Variants in PIKFYVE observed in about 807,000 individuals in gnomAD.
The protein encoded by PIKFYVE is phosphoinositide kinase, FYVE-type zinc finger containing.
PIKFYVE carries 122 observed loss-of-function variants against 257.9 expected under a neutral mutation model. That is an observed-to-expected ratio of 0.47 (90% CI 0.41 to 0.55). The LOEUF (loss-of-function observed/expected upper bound fraction) is 0.55. Ranked by LOEUF, PIKFYVE falls within the 20% of genes least tolerant of loss-of-function variation. The probability of loss-of-function intolerance (pLI) is 0.00; values close to 1 mark genes in which losing one functional copy is unlikely to be tolerated. For synonymous variants in PIKFYVE, 892 were observed against 868.9 expected, an observed-to-expected ratio of 1.03 and a Z score of -0.47; for missense variants, 2,160 against 2,536.6, an observed-to-expected ratio of 0.85 and a Z score of 3.19.
intron 24 of PIKFYVE, among the ~76,000 whole-genome samples, chr2:208,334,994 A>G (rs1332780312): frequency 1.3e-5 from 2 of 152,180 alleles, no homozygotes; most frequent in African/African-American, 4.8e-5. Flanking sequence ...AATTAGGTGT[A>G]GGTATTTTAG....
intron 2 of PIKFYVE, among the ~76,000 whole-genome samples, chr2:208,273,170 A>G (rs1361525978): frequency 6.6e-6 from 1 of 152,254 alleles, no homozygotes; most frequent in East Asian, 1.9e-4. Context: ...CCCTGCCTTC[A>G]TATGAAGCTT....
rs1287794022 is a variant in PIKFYVE, at chr2:208,335,372, C to T, written c.4209C>T (p.Ala1403=). The change falls in exon 25 of 42, where the codon GCC becomes GCT. Residue 1403 remains alanine, a synonymous_variant. Coordinates refer to ENST00000264380, the MANE Select transcript of PIKFYVE (RefSeq NM_015040.4). ...CCAAAATATTCATTAAGCGTCAGGC[C>T]CCATTAAAAGTGTCCCTTCTTCAGG... ...PLPKIFIKRQ[A]PLKVSLLQDL... 1 of 1,612,742 alleles carries T rather than the reference C, an allele frequency of 6.2e-7. No individual in the cohort carries two copies. Among genetic ancestry groups the T allele is most frequent in the Non-Finnish European group, 8.5e-7 (1 of 1,178,950 alleles).
At chr2:208,338,205 A>T (rs1467038571) in intron 28 of PIKFYVE, among the ~76,000 whole-genome samples, 2 of 150,362 alleles carry the variant, frequency 1.3e-5, no homozygotes, top group African/African-American at 2.4e-5. Flanking sequence ...TCTTTCACCA[A>T]TTTTTTTTTT....
At chr2:208,321,576 T>TTTTCTTTTC (rs751020535) in intron 17 of PIKFYVE, among the ~76,000 whole-genome samples, 1 of 21,638 alleles carries the variant, frequency 4.6e-5, no homozygotes. Flanking sequence ...TTTTCTTTTG[T>TTTTCTTTTC]TTTTTTTTTT....
At chr2:208,298,549 T>A in intron 7 of PIKFYVE, 92 bp from the exon 8 acceptor site, 1 of 1,433,864 alleles carries the variant, frequency 7.0e-7, no homozygotes, top group Non-Finnish European at 9.7e-7. Context: ...CATTGGTAAA[T>A]AAGCATTTAT....
Position 208,345,262 on chromosome 2 carries a change from C to A in PIKFYVE, c.5111+68C>A, listed in dbSNP as rs1699124626. The A allele has an allele frequency of 3.8e-6, 5 of 1,312,860 alleles. No individual in the cohort carries two copies. The African/African-American group carries it at 7.4e-5, about 19-fold the overall frequency. The allele number at this position is 1,312,860 out of a possible 1,614,324, so 81.3% of individuals were successfully genotyped here. A position where few individuals can be genotyped will look rare whatever the true frequency, so the allele number is the denominator to read the frequency against. ...TATCATTTTCTATATGCTTGTACTT[C>A]AGTTTTATTACAGCATTTATCATCA... On this transcript the variant is annotated intron_variant, in intron 33 of 41. Transcript: ENST00000264380.
intron 39 of PIKFYVE, among the ~76,000 whole-genome samples, 159 bp downstream of exon 39, chr2:208,352,941 A>T (rs760342475): frequency 1.8e-4 from 27 of 152,186 alleles, no homozygotes; most frequent in Non-Finnish European, 2.4e-4. Context: ...AGCCTTGGAG[A>T]AAGAATGAAG....
At chr2:208,295,203 C>T (rs555028654) in intron 7 of PIKFYVE, among the ~76,000 whole-genome samples, 3 of 152,320 alleles carry the variant, frequency 2.0e-5, no homozygotes, top group Admixed American at 2.0e-4. Flanking sequence ...TGATTTTTCT[C>T]TTTGTTCAGG....
At chr2:208,287,654 G>T (rs549124899) in intron 6 of PIKFYVE, among the ~76,000 whole-genome samples, 9 of 152,226 alleles carry the variant, frequency 5.9e-5, no homozygotes, top group African/African-American at 2.2e-4. Context: ...AGGCTGGAGT[G>T]CAGTGGCGTG....
intron 7 of PIKFYVE, among the ~76,000 whole-genome samples, chr2:208,294,675 G>A (rs1300476059): frequency 6.6e-6 from 1 of 152,026 alleles, no homozygotes; most frequent in Non-Finnish European, 1.5e-5. Flanking sequence ...GGCTGGAGGG[G>A]GCTGGAGTTG....
rs1476891761 is a variant in PIKFYVE at position 208,326,253 on chromosome 2, T to C, written c.3442T>C (p.Leu1148=). ...TGAGCATCTGGGCGATAGCCAGAGCTTGGGTAGAATGCTGGCCGATTATCG... is the reference window on the plus strand; with the variant it reads ...TGAGCATCTGGGCGATAGCCAGAGCCTGGGTAGAATGCTGGCCGATTATCG... ...IAEHLGDSQS[L]GRMLADYRAR... The change falls in exon 20 of 42, where the codon TTG becomes CTG. Residue 1148 remains leucine (L), a synonymous_variant. Coordinates refer to ENST00000264380, the MANE Select transcript of PIKFYVE (RefSeq NM_015040.4). The C allele has an allele frequency of 2.5e-6, 4 of 1,591,632 alleles. No homozygotes were observed. In the South Asian group the frequency reaches 4.6e-5, roughly 18 times the overall value.
chr2:208,304,809 T>C (rs1485366834), intron 11 of PIKFYVE, 37 bp from the exon 12 acceptor site: 1 of 1,594,286 alleles, frequency 6.3e-7, no homozygotes, highest in Admixed American at 1.7e-5. Flanking sequence ...ACTCCCCTCC[T>C]CTCCCTATAT....
chr2:208,266,212 G>C (rs112184189), upstream of PIKFYVE: 1 of 147,186 alleles, frequency 6.8e-6, no homozygotes, highest in Admixed American at 6.9e-5. Flanking sequence ...ATTTCGGACT[G>C]GGGGACAGGA....
chr2:208,285,807 A>T lies in PIKFYVE; in HGVS notation c.695A>T (p.Asp232Val). The T allele has an allele frequency of 6.2e-7, 1 of 1,614,014 alleles. No individual in the cohort carries two copies. The highest frequency in any genetic ancestry group is 1.7e-5 in the Admixed American group (1 of 60,008). ...ACAGACAGTAATTCTATTGGGGAAGACTTGAATGCTCTTTCAGATTCTGCT... is the reference window on the plus strand; with the variant it reads ...ACAGACAGTAATTCTATTGGGGAAGTCTTGAATGCTCTTTCAGATTCTGCT... Reference protein sequence around the residue: ...HSTDSNSIGEDLNALSDSACS... With the variant: ...HSTDSNSIGEVLNALSDSACS... The change falls in exon 6 of 42, where the codon GAC (aspartate) becomes GTC (valine). Residue 232 changes from aspartate to valine, a missense_variant. Around this residue, in one of 12 missense-constraint regions of PIKFYVE, gnomAD observed 187 missense variants for 185.6 expected, o/e 1.01. Transcript: ENST00000264380.
intron 30 of PIKFYVE, 30 bp downstream of exon 30, chr2:208,339,585 C>A (rs769872029): frequency 1.2e-6 from 2 of 1,611,874 alleles, no homozygotes; most frequent in Non-Finnish European, 1.7e-6. Context: ...TACCATATTT[C>A]ATTGTATCTA....
chr2:208,307,023 C>T (rs1306991667), intron 12 of PIKFYVE, among the ~76,000 whole-genome samples: 1 of 152,156 alleles, frequency 6.6e-6, no homozygotes, highest in Admixed American at 6.5e-5. Context: ...AAGTGATTCA[C>T]CTGCCTTAGC....
intron 5 of PIKFYVE, among the ~76,000 whole-genome samples, chr2:208,282,349 T>C (rs779999151): frequency 9.2e-5 from 14 of 152,212 alleles, no homozygotes; most frequent in Non-Finnish European, 1.9e-4. Flanking sequence ...AAAGCCATTC[T>C]TGGTACCAAA....
chr2:208,321,025 A>G (rs1696145877), intron 17 of PIKFYVE, among the ~76,000 whole-genome samples: 1 of 152,262 alleles, frequency 6.6e-6, no homozygotes, highest in South Asian at 2.1e-4. Context: ...TTGTGCATTT[A>G]ATTTTACTTG....
intron 17 of PIKFYVE, among the ~76,000 whole-genome samples, chr2:208,321,289 A>G (rs1696173021): frequency 6.6e-6 from 1 of 152,218 alleles, no homozygotes; most frequent in Non-Finnish European, 1.5e-5. Flanking sequence ...TAGGAAAAGC[A>G]TTACTTGAAA....
Sources: gnomAD v4.1 joint callset for allele counts (sites outside exome capture counted in the v4.1 genomes callset) on GRCh38, gnomAD v4.1.1 for gene constraint, gnomAD v4.1.1 regional missense constraint, MANE v1.5 for transcripts, NCBI Gene and HGNC (gene_info 2026-07-23, HGNC 2026-07-21) for gene names.